The following KIAA0825 variants were observed in gnomAD, a reference collection of about 807,000 sequenced individuals.
KIAA0825 encodes KIAA0825, also known as uncharacterized protein KIAA0825.
KIAA0825 carries 119 observed loss-of-function variants against 147.6 expected under a neutral mutation model. That is an observed-to-expected ratio of 0.81 (90% CI 0.69 to 0.94). The LOEUF (loss-of-function observed/expected upper bound fraction) is 0.94, where lower values mean the gene tolerates loss of function less well. Ranked by LOEUF, KIAA0825 falls within the 40% of genes least tolerant of loss-of-function variation. KIAA0825 has a pLI of 0.00. For missense variants in KIAA0825, 1,381 were observed against 1,472.7 expected, an observed-to-expected ratio of 0.94 and a Z score of 1.02; for synonymous variants, 470 against 518.1, an observed-to-expected ratio of 0.91 and a Z score of 1.26.
chr5:94,203,151 G>A (rs1221074960), intron 20 of KIAA0825, among the ~76,000 whole-genome samples: 3 of 152,160 alleles, frequency 2.0e-5, no homozygotes, highest in Non-Finnish European at 2.9e-5. Context: ...TTGCAATAGA[G>A]TGCATAAATG....
chr5:94,235,570 T>C (rs1453982289), intron 20 of KIAA0825, among the ~76,000 whole-genome samples: 3 of 152,214 alleles, frequency 2.0e-5, no homozygotes, highest in Admixed American at 1.3e-4. Flanking sequence ...AGGATCAAGC[T>C]AAGATCACTG....
chr5:94,444,118 A>G (rs1214295476), intron 13 of KIAA0825, among the ~76,000 whole-genome samples: 2 of 152,108 alleles, frequency 1.3e-5, no homozygotes, highest in East Asian at 3.8e-4. Context: ...AGCCCCTCCC[A>G]CCAAAGATTG....
chr5:94,438,981 C>T (rs1756727599), intron 14 of KIAA0825, among the ~76,000 whole-genome samples: 2 of 152,160 alleles, frequency 1.3e-5, no homozygotes, highest in Admixed American at 1.3e-4. Flanking sequence ...AGCTCCGAAA[C>T]ATCAGCTGGG....
chr5:94,381,386 C>A (rs1271873661), intron 20 of KIAA0825, among the ~76,000 whole-genome samples: 3 of 152,170 alleles, frequency 2.0e-5, no homozygotes, highest in African/African-American at 7.2e-5. Context: ...AAAAAAAATT[C>A]CACTGAGTTC....
At chr5:94,164,607 T>A (rs1213228181) in intron 20 of KIAA0825, among the ~76,000 whole-genome samples, 1 of 152,034 alleles carries the variant, frequency 6.6e-6, no homozygotes, top group African/African-American at 2.4e-5. Context: ...GAGATGGGGT[T>A]TCACCGTGTT....
chr5:94,516,194 G>A (rs1584749080), intron 5 of KIAA0825, among the ~76,000 whole-genome samples: 1 of 152,150 alleles, frequency 6.6e-6, no homozygotes, highest in Non-Finnish European at 1.5e-5. Flanking sequence ...AAAATGGCTA[G>A]AGAGATTGTC....
At chr5:94,563,197 A>AAC (rs199668644) in intron 2 of KIAA0825, among the ~76,000 whole-genome samples, 3,460 of 107,950 alleles carry the variant, frequency 0.032, 62 homozygotes, top group South Asian at 0.082. Flanking sequence ...AAAAAAAACA[A>AAC]AAAAAAAAAA....
intron 7 of KIAA0825, among the ~76,000 whole-genome samples, chr5:94,474,206 T>C (rs867849416): frequency 3.9e-5 from 6 of 152,138 alleles, no homozygotes; most frequent in Admixed American, 2.6e-4. Context: ...TAGAAGGGGT[T>C]GAGCTACAGT....
intron 20 of KIAA0825, among the ~76,000 whole-genome samples, chr5:94,292,960 T>TC (rs1251374677): frequency 6.6e-6 from 1 of 152,082 alleles, no homozygotes; most frequent in Admixed American, 6.6e-5. Flanking sequence ...CGGTGATATT[T>TC]CATTTATCAT....
chr5:94,176,056 A>G (rs1171666160), intron 20 of KIAA0825, among the ~76,000 whole-genome samples: 1 of 152,100 alleles, frequency 6.6e-6, no homozygotes, highest in Non-Finnish European at 1.5e-5. Flanking sequence ...TGCTCCTGCC[A>G]AGACCCATGT....
At chr5:94,548,952 A>AAG (rs969310213) in intron 2 of KIAA0825, among the ~76,000 whole-genome samples, 2 of 152,164 alleles carry the variant, frequency 1.3e-5, no homozygotes, top group Admixed American at 6.6e-5. Context: ...ATTAGAGCTA[A>AAG]AGAGAGAGAG....
At chr5:94,529,407 CAT>C (rs1168751918) in intron 3 of KIAA0825, among the ~76,000 whole-genome samples, 6 of 145,544 alleles carry the variant, frequency 4.1e-5, no homozygotes, top group Non-Finnish European at 6.0e-5. Context: ...ATGTATATCT[CAT>C]ATATGTATAT....
intron 17 of KIAA0825, among the ~76,000 whole-genome samples, chr5:94,394,414 G>T (rs532625707): frequency 2.0e-5 from 3 of 152,172 alleles, no homozygotes; most frequent in Non-Finnish European, 4.4e-5. Flanking sequence ...TATGCATGTT[G>T]TATGTGAGAT....
At chr5:94,355,042 T>G (rs1436567028) in intron 20 of KIAA0825, among the ~76,000 whole-genome samples, 3 of 152,246 alleles carry the variant, frequency 2.0e-5, no homozygotes, top group Non-Finnish European at 4.4e-5. Flanking sequence ...GAGGCAGGCT[T>G]CCACGCTATA....
chr5:94,424,197 A>G (rs1754546568), intron 14 of KIAA0825, among the ~76,000 whole-genome samples: 1 of 152,156 alleles, frequency 6.6e-6, no homozygotes, highest in Non-Finnish European at 1.5e-5. Context: ...TCATTTTGGA[A>G]GGCTCTTGTG....
rs139764878 is a variant in KIAA0825, at chr5:94,566,947, C to G, written c.-2+15486G>C. 7.0e-3 allele frequency among the ~76,000 whole-genome samples: 1,060 copies of G among 152,168 alleles called. 15 individuals carry two copies. The highest frequency in any genetic ancestry group is 0.024 in the African/African-American group (986 of 41,526). ...TGACCAAAAATTTTAAAAGACAAAA[C>G]TCATCAAATAAATGTTAATGATTAT... On this transcript the variant is annotated intron_variant, in intron 2 of 20. Transcript: ENST00000682413.
intron 9 of KIAA0825, 130 bp from the exon 10 acceptor site, chr5:94,470,241 G>T: frequency 1.8e-6 from 1 of 557,396 alleles, no homozygotes. Context: ...GCTGAAGTCT[G>T]CATCCACATT....
At chr5:94,168,297 T>C (rs746551231) in intron 20 of KIAA0825, among the ~76,000 whole-genome samples, 43 of 152,252 alleles carry the variant, frequency 2.8e-4, no homozygotes, top group Non-Finnish European at 5.7e-4. Context: ...GGTTGTTGAT[T>C]TCTTGAGCTA....
intron 20 of KIAA0825, among the ~76,000 whole-genome samples, chr5:94,306,767 T>G (rs1778769341): frequency 6.6e-6 from 1 of 151,838 alleles, no homozygotes; most frequent in African/African-American, 2.4e-5. Context: ...AATCCTCAAG[T>G]GTGGATGTTG....
Sources: allele counts gnomAD v4.1 joint callset (sites outside exome capture counted in the v4.1 genomes callset), GRCh38; gene constraint gnomAD v4.1.1; transcripts MANE v1.5; gene names NCBI Gene and HGNC (gene_info 2026-07-23, HGNC 2026-07-21).